Variants in ZSCAN5A observed in about 807,000 individuals in gnomAD.
The protein encoded by ZSCAN5A is zinc finger and SCAN domain containing 5A.
In ZSCAN5A, 12 loss-of-function variants were observed where a neutral mutation model predicts 23.7. The ratio of observed to expected loss-of-function variants is 0.51; its 90% CI spans 0.32 to 0.82. ZSCAN5A has a LOEUF of 0.82. Among genes scored for constraint, ZSCAN5A ranks in the 40% least tolerant of loss-of-function variants. The pLI, the probability that ZSCAN5A is intolerant of heterozygous loss-of-function variation, is 0.03. For missense variants in ZSCAN5A, 597 were observed against 617.9 expected (o/e 0.97, Z 0.36); for synonymous variants, 257 against 239.9 (o/e 1.07, Z -0.66).
At chr19:56,318,298 A>G (rs1199416627), upstream of ZSCAN5A, among the ~76,000 whole-genome samples, 3 of 152,226 alleles carry the variant, frequency 2.0e-5, no homozygotes, top group Non-Finnish European at 4.4e-5. Context: ...AGTTCAAAAC[A>G]AGGCACATTA....
intron 2 of ZSCAN5A, among the ~76,000 whole-genome samples, chr19:56,276,153 T>A (rs192544180): frequency 6.6e-6 from 1 of 152,312 alleles, no homozygotes; most frequent in Admixed American, 6.5e-5. Context: ...CATAGCTACC[T>A]CTCCTAAAAT....
chr19:56,323,815 C>A (rs2041406657), intron 2 of ZSCAN5A, among the ~76,000 whole-genome samples: 1 of 151,962 alleles, frequency 6.6e-6, no homozygotes, highest in Non-Finnish European at 1.5e-5. Context: ...GGATTACAGT[C>A]ATGAGCCACC....
At chr19:56,363,779 A>G (rs1347800114) in intron 1 of ZSCAN5A, among the ~76,000 whole-genome samples, 1 of 152,208 alleles carries the variant, frequency 6.6e-6, no homozygotes, top group Non-Finnish European at 1.5e-5. Context: ...TAAGCAGCAA[A>G]GTGTTCAAGA....
chr19:56,304,560 C>T (rs1264372302), intron 2 of ZSCAN5A, among the ~76,000 whole-genome samples: 2 of 152,110 alleles, frequency 1.3e-5, no homozygotes, highest in Non-Finnish European at 2.9e-5. Flanking sequence ...GATTGTGCTG[C>T]TTATGGGGAT....
chr19:56,337,618 C>A (rs1185299554), intron 2 of ZSCAN5A, among the ~76,000 whole-genome samples: 1 of 152,202 alleles, frequency 6.6e-6, no homozygotes, highest in Non-Finnish European at 1.5e-5. Context: ...CCGGCACTCC[C>A]CAGTGAGATG....
intron 1 of ZSCAN5A, among the ~76,000 whole-genome samples, chr19:56,366,237 T>A (rs1006831724): frequency 6.6e-6 from 1 of 151,838 alleles, no homozygotes; most frequent in Non-Finnish European, 1.5e-5. Flanking sequence ...AGGTCAGAGA[T>A]CGAGACCATC....
At chr19:56,317,272 C>T (rs2041326964), upstream of ZSCAN5A, 1 of 152,252 alleles carries the variant, frequency 6.6e-6, no homozygotes, top group Non-Finnish European at 1.5e-5. Context: ...TCTGGCCTTG[C>T]CCTGGGTGCT....
At chr19:56,298,670 T>C (rs1318530779) in intron 2 of ZSCAN5A, among the ~76,000 whole-genome samples, 1 of 149,750 alleles carries the variant, frequency 6.7e-6, no homozygotes, top group African/African-American at 2.5e-5. Context: ...AAAAAAAATC[T>C]GAATAATCCT....
At position 56,223,818 on chromosome 19, in the gene ZSCAN5A, T is replaced by C. The variant is rs1479065619; in HGVS notation, c.401A>G (p.His134Arg). Reference sequence around the variant, plus strand: ...GTCCTGCACAATATATTCCTTTCCGTGGAAGGTGACCACAGACTGTAGAGA... The same window carrying C: ...GTCCTGCACAATATATTCCTTTCCGCGGAAGGTGACCACAGACTGTAGAGA... Reference protein sequence around the residue: ...RPKKWSVVTFHGKEYIVQDSD... With the variant: ...RPKKWSVVTFRGKEYIVQDSD... Residue 134 changes from histidine (H) to arginine (R), a missense_variant, in exon 4 of 6, where the codon CAC (histidine) becomes CGC (arginine). Physicochemically the swap from His to Arg is conservative, Grantham distance 29. Around this residue, in one of 5 missense-constraint regions of ZSCAN5A, gnomAD observed 27 missense variants for 93.5 expected, o/e 0.29. Coordinates refer to ENST00000683990, the MANE Select transcript of ZSCAN5A (RefSeq NM_001322064.3). 1 of 1,612,214 alleles carries C rather than the reference T, an allele frequency of 6.2e-7. No individual in the cohort carries two copies. Among genetic ancestry groups the C allele is most frequent in the Non-Finnish European group, 8.5e-7 (1 of 1,179,894 alleles).
At chr19:56,322,081 C>T in intron 2 of ZSCAN5A, 1 of 766,402 alleles carries the variant, frequency 1.3e-6, no homozygotes, top group African/African-American at 1.7e-5. Context: ...TCTTTCTTCT[C>T]CTCCCATAAC....
At chr19:56,222,551 A>G in intron 5 of ZSCAN5A, 40 bp downstream of exon 5, 1 of 1,607,358 alleles carries the variant, frequency 6.2e-7, no homozygotes, top group African/African-American at 1.3e-5. Context: ...ACCCCAGAAG[A>G]GAGGGACTAA....
At chr19:56,258,517 T>G (rs1600113735) in intron 2 of ZSCAN5A, among the ~76,000 whole-genome samples, 9 of 100,658 alleles carry the variant, frequency 8.9e-5, no homozygotes, top group South Asian at 6.6e-4. Flanking sequence ...CACCTTCCAG[T>G]GTGGGGGGGT....
At chr19:56,356,784 G>A (rs976485535) in intron 2 of ZSCAN5A, among the ~76,000 whole-genome samples, 2 of 148,150 alleles carry the variant, frequency 1.3e-5, no homozygotes, top group African/African-American at 2.6e-5. Context: ...TTAAAGAGTC[G>A]GTAGTGTTTT....
intron 2 of ZSCAN5A, among the ~76,000 whole-genome samples, chr19:56,299,487 G>A (rs1272107234): frequency 2.0e-5 from 3 of 151,714 alleles, no homozygotes; most frequent in African/African-American, 7.3e-5. Context: ...AGAGAGAACA[G>A]CTTAATATAA....
chr19:56,356,385 C>A (rs1568766362), intron 2 of ZSCAN5A, among the ~76,000 whole-genome samples: 1 of 148,504 alleles, frequency 6.7e-6, no homozygotes, highest in Non-Finnish European at 1.5e-5. Context: ...CTTGGGAATA[C>A]ATGGTTGTGT....
chr19:56,323,549 T>A (rs923388584), intron 2 of ZSCAN5A, among the ~76,000 whole-genome samples: 13 of 151,554 alleles, frequency 8.6e-5, no homozygotes, highest in Admixed American at 3.3e-4. Context: ...TTTTTTTTTT[T>A]TTTTGAGACA....
intron 4 of ZSCAN5A, among the ~76,000 whole-genome samples, chr19:56,223,075 T>C (rs1181543322): frequency 3.3e-5 from 5 of 152,148 alleles, no homozygotes; most frequent in Admixed American, 6.5e-5. Flanking sequence ...GCCCCTCAGC[T>C]GTGGCACCAC....
Position 56,246,994 on chromosome 19 carries a change from T to C in ZSCAN5A, c.-127-21821A>G, listed in dbSNP as rs2035961886. ...AAAACCTGAGATAAATTCAGTTTAT[T>C]CCCCAGGCCCTGCAGGTGCAGTCAG... On this transcript the variant is annotated intron_variant, in intron 2 of 5. Transcript: ENST00000683990. The C allele has an allele frequency of 3.1e-6, 4 of 1,296,788 alleles. No individual in the cohort carries two copies. In the Admixed American group the frequency reaches 6.8e-5, roughly 22 times the overall value. The allele number at this position is 1,296,788 out of a possible 1,614,324, so 80.3% of individuals were successfully genotyped here.
intron 2 of ZSCAN5A, among the ~76,000 whole-genome samples, chr19:56,292,810 C>T (rs112140130): frequency 2.5e-4 from 38 of 152,316 alleles, no homozygotes; most frequent in African/African-American, 8.7e-4. Flanking sequence ...GAAGTAGAAT[C>T]GTACACGATG....
Sources: allele counts gnomAD v4.1 joint callset (sites outside exome capture counted in the v4.1 genomes callset), GRCh38; gene constraint gnomAD v4.1.1; regional missense constraint gnomAD v4.1.1; transcripts MANE v1.5; gene names NCBI Gene and HGNC (gene_info 2026-07-23, HGNC 2026-07-21).